The following CXCL13 variants were observed in gnomAD, a reference collection of about 807,000 sequenced individuals.
CXCL13 encodes the protein C-X-C motif chemokine 13.
A neutral mutation model predicts 12.2 loss-of-function variants in CXCL13; 7 were observed. The ratio of observed to expected loss-of-function variants is 0.57; its 90% CI spans 0.33 to 1.07. CXCL13 has a LOEUF of 1.07. CXCL13 is among the 50% of genes least tolerant of loss of function. CXCL13 has a pLI of 0.04. For missense variants in CXCL13, 113 were observed against 127.4 expected, an observed-to-expected ratio of 0.89 and a Z score of 0.55; for synonymous variants, 47 against 42.4, an observed-to-expected ratio of 1.11 and a Z score of -0.42.
upstream of CXCL13, among the ~76,000 whole-genome samples, chr4:77,601,029 T>G (rs192044117): frequency 6.6e-6 from 1 of 152,154 alleles, no homozygotes; most frequent in African/African-American, 2.4e-5. Context: ...GACAGACCTT[T>G]TCCTTCCCGC....
chr4:77,592,792 C>T (rs1192607602), intron 1 of CXCL13, among the ~76,000 whole-genome samples: 1 of 152,082 alleles, frequency 6.6e-6, no homozygotes. Flanking sequence ...AGTGAGAACA[C>T]GAAGCTGGCC....
chr4:77,610,230 T>G (rs1217891873), intron 2 of CXCL13, among the ~76,000 whole-genome samples: 1 of 152,228 alleles, frequency 6.6e-6, no homozygotes, highest in Non-Finnish European at 1.5e-5. Context: ...CAGCTTATTT[T>G]GTTCTCCCAA....
upstream of CXCL13, chr4:77,605,747 C>A: frequency 2.0e-6 from 1 of 494,270 alleles, no homozygotes; most frequent in Non-Finnish European, 3.7e-6. Context: ...ATGCAGCTGA[C>A]CTACTGGAGA....
intron 1 of CXCL13, among the ~76,000 whole-genome samples, chr4:77,533,633 T>C (rs1724985059): frequency 6.6e-6 from 1 of 152,146 alleles, no homozygotes; most frequent in African/African-American, 2.4e-5. Context: ...CCCCCAGAGG[T>C]GGAGTCTATA....
At chr4:77,520,548 T>C (rs1240692823) in intron 1 of CXCL13, among the ~76,000 whole-genome samples, 1 of 152,204 alleles carries the variant, frequency 6.6e-6, no homozygotes, top group Non-Finnish European at 1.5e-5. Context: ...ATGCTTGTGA[T>C]TTTTGCACAT....
intron 1 of CXCL13, among the ~76,000 whole-genome samples, chr4:77,576,445 G>A (rs911369072): frequency 6.6e-6 from 1 of 152,136 alleles, no homozygotes; most frequent in African/African-American, 2.4e-5. Flanking sequence ...TTAACTTATG[G>A]CAATATAATT....
chr4:77,585,611 C>T (rs1030447757), intron 1 of CXCL13, among the ~76,000 whole-genome samples: 1 of 152,196 alleles, frequency 6.6e-6, no homozygotes, highest in Non-Finnish European at 1.5e-5. Context: ...ACACCAGTCT[C>T]AGAGAGACGC....
At chr4:77,533,486 C>A (rs1724982507) in intron 1 of CXCL13, among the ~76,000 whole-genome samples, 2 of 152,188 alleles carry the variant, frequency 1.3e-5, no homozygotes, top group Admixed American at 6.5e-5. Context: ...GGGTCAGGGA[C>A]CCACTTGAGG....
Position 77,610,619 on chromosome 4 carries a change from G to T in CXCL13, c.203G>T (p.Trp68Leu), listed in dbSNP as rs758017627. 1 of 1,609,286 alleles carries T rather than the reference G, an allele frequency of 6.2e-7. No individual in the cohort carries two copies. Among genetic ancestry groups the T allele is most frequent in the Non-Finnish European group, 8.5e-7 (1 of 1,175,684 alleles). Residue 68 changes from tryptophan (W) to leucine (L), a missense_variant, in exon 3 of 4, where the codon TGG (tryptophan) becomes TTG (leucine). Physicochemically the swap from Trp to Leu is moderately conservative, Grantham distance 61. Coordinates refer to ENST00000682537, the MANE Select transcript of CXCL13 (RefSeq NM_001371558.1). ...NGCPRKEIIVWKKNKSIVCVD... is the reference protein window; with the variant it reads ...NGCPRKEIIVLKKNKSIVCVD... ...TAATTTTTATTTTCCCCCAGAGTCT[G>T]GAAGAAGAACAAGTCAATTGTGTGT...
intron 1 of CXCL13, among the ~76,000 whole-genome samples, chr4:77,531,866 A>C (rs954338447): frequency 6.6e-6 from 1 of 152,152 alleles, no homozygotes; most frequent in Admixed American, 6.6e-5. Flanking sequence ...CTAGGATTGC[A>C]ACCCCTGCCT....
chr4:77,531,109 T>C (rs1724905007), intron 1 of CXCL13, among the ~76,000 whole-genome samples: 1 of 147,808 alleles, frequency 6.8e-6, no homozygotes, highest in South Asian at 2.1e-4. Flanking sequence ...TTATTATTAT[T>C]ATTATTATTA....
intron 1 of CXCL13, among the ~76,000 whole-genome samples, chr4:77,556,635 C>A (rs995947869): frequency 4.6e-5 from 7 of 152,012 alleles, no homozygotes; most frequent in Admixed American, 3.3e-4. Context: ...TTGTGATAAT[C>A]TTACAAAATA....
chr4:77,566,067 A>G (rs1433181514), intron 1 of CXCL13, among the ~76,000 whole-genome samples: 3 of 152,172 alleles, frequency 2.0e-5, no homozygotes, highest in Admixed American at 6.5e-5. Context: ...TTCATAGACT[A>G]ATGATTCAGA....
rs202141791 is a variant in CXCL13 at position 77,564,528 on chromosome 4, AT to A, written c.-42-41293del. ...TGATGATATCCAGCATTTACCAAAC[AT>A]TTACTCTGTACCTGGAACTGTTAAA... On this transcript the variant is annotated intron_variant, in intron 1 of 4. Transcript: ENST00000286758. 4.5e-3 allele frequency among the ~76,000 whole-genome samples: 679 copies of A among 152,310 alleles called. 17 individuals are homozygous for A. Among genetic ancestry groups the A allele is most frequent in the East Asian group, 0.027 (139 of 5,178 alleles).
intron 1 of CXCL13, among the ~76,000 whole-genome samples, chr4:77,544,376 G>A (rs969414375): frequency 2.6e-5 from 4 of 152,176 alleles, no homozygotes; most frequent in African/African-American, 9.7e-5. Context: ...GTGTAAAAGT[G>A]TTCCTATTTC....
chr4:77,551,283 T>C (rs960130970), intron 1 of CXCL13, among the ~76,000 whole-genome samples: 5 of 152,164 alleles, frequency 3.3e-5, no homozygotes, highest in Non-Finnish European at 5.9e-5. Flanking sequence ...ATGTTTAAAA[T>C]TCCTTTGAGG....
At chr4:77,525,530 C>T (rs1724741379) in intron 1 of CXCL13, among the ~76,000 whole-genome samples, 1 of 151,906 alleles carries the variant, frequency 6.6e-6, no homozygotes, top group South Asian at 2.1e-4. Context: ...TTCTATGAAT[C>T]TTGATTAATA....
At chr4:77,517,503 C>A (rs1297899406) in intron 1 of CXCL13, among the ~76,000 whole-genome samples, 1 of 152,132 alleles carries the variant, frequency 6.6e-6, no homozygotes, top group African/African-American at 2.4e-5. Context: ...GTATTGGGTG[C>A]ATATATATTT....
intron 1 of CXCL13, among the ~76,000 whole-genome samples, chr4:77,534,126 C>A (rs986472498): frequency 6.6e-6 from 1 of 152,200 alleles, no homozygotes; most frequent in Admixed American, 6.5e-5. Flanking sequence ...CTGCGTTGCT[C>A]ATGCTGGGAG....
Sources: allele counts gnomAD v4.1 joint callset (sites outside exome capture counted in the v4.1 genomes callset), GRCh38; gene constraint gnomAD v4.1.1; transcripts MANE v1.5; gene names NCBI Gene and HGNC (gene_info 2026-07-23, HGNC 2026-07-21).